Variants in PPP6R2 observed in about 807,000 individuals in gnomAD.
PPP6R2 encodes the protein protein phosphatase 6 regulatory subunit 2.
Under a neutral mutation model 100.2 loss-of-function variants are expected in PPP6R2, and 62 were observed. That is an observed-to-expected ratio of 0.62 (90% CI 0.50 to 0.76). The LOEUF is 0.76. Ranked by LOEUF, PPP6R2 falls within the 30% of genes least tolerant of loss-of-function variation. The probability of loss-of-function intolerance (pLI) is 0.00; values close to 1 mark genes in which losing one functional copy is unlikely to be tolerated. For synonymous variants in PPP6R2, 525 were observed against 514.7 expected, an observed-to-expected ratio of 1.02 and a Z score of -0.27; for missense variants, 1,142 against 1,276.3, an observed-to-expected ratio of 0.89 and a Z score of 1.60.
chr22:50,358,614 A>G (rs2047096926), intron 1 of PPP6R2, among the ~76,000 whole-genome samples: 1 of 152,200 alleles, frequency 6.6e-6, no homozygotes, highest in African/African-American at 2.4e-5. Flanking sequence ...AAACATATTC[A>G]TTGTCCCCAG....
At chr22:50,337,787 T>G in the PPP6R2 span, among the ~76,000 whole-genome samples, 562 of 145,656 alleles carry the variant, frequency 3.9e-3, 3 homozygotes, top group African/African-American at 0.014. Context: ...TGTGTGGGTG[T>G]GTGTGTGCTG....
At chr22:50,363,987 C>T (rs766724506) in intron 1 of PPP6R2, among the ~76,000 whole-genome samples, 3 of 151,806 alleles carry the variant, frequency 2.0e-5, no homozygotes, top group Non-Finnish European at 2.9e-5. Flanking sequence ...CTTTGCCTCC[C>T]GGGTTCAGGC....
At chr22:50,333,351 T>C in the PPP6R2 span, among the ~76,000 whole-genome samples, 1 of 151,628 alleles carries the variant, frequency 6.6e-6, no homozygotes, top group African/African-American at 2.4e-5. Context: ...TTTTTTTTTT[T>C]TTTGAGACGG....
the PPP6R2 span, among the ~76,000 whole-genome samples, chr22:50,331,098 C>A: frequency 6.6e-6 from 1 of 152,180 alleles, no homozygotes; most frequent in Non-Finnish European, 1.5e-5. Context: ...TGCCTGGTTT[C>A]TTGTGCCTCA....
chr22:50,334,093 G>A, the PPP6R2 span, among the ~76,000 whole-genome samples: 143 of 152,364 alleles, frequency 9.4e-4, no homozygotes, highest in African/African-American at 3.0e-3. Flanking sequence ...TGTACAGGGC[G>A]GAACATGAAA....
intron 1 of PPP6R2, among the ~76,000 whole-genome samples, chr22:50,353,082 T>C (rs1328966118): frequency 6.6e-6 from 1 of 152,152 alleles, no homozygotes; most frequent in Non-Finnish European, 1.5e-5. Flanking sequence ...AGCAGCCTTC[T>C]CCGTGTCAGC....
intron 12 of PPP6R2, among the ~76,000 whole-genome samples, chr22:50,434,706 T>G (rs11704683): frequency 0.64 from 34,918 of 54,582 alleles, 11,836 homozygotes; most frequent in East Asian, 0.86. Context: ...GAGGGCCGGG[T>G]GCGCGGACAC....
At chr22:50,413,821 AC>A (rs2060104064) in intron 4 of PPP6R2, among the ~76,000 whole-genome samples, 1 of 151,752 alleles carries the variant, frequency 6.6e-6, no homozygotes, top group Non-Finnish European at 1.5e-5. Context: ...GGCTGGGTCT[AC>A]CCCAGCCCCC....
At chr22:50,337,623 G>A in the PPP6R2 span, among the ~76,000 whole-genome samples, 8 of 114,690 alleles carry the variant, frequency 7.0e-5, no homozygotes, top group Middle Eastern at 5.1e-3. Flanking sequence ...TGCTGTGTGC[G>A]GTATGTGTGC....
chr22:50,438,607 C>T lies in PPP6R2; in HGVS notation c.1973C>T (p.Ala658Val). The T allele has an allele frequency of 3.1e-6, 5 of 1,613,642 alleles. No homozygotes were observed. The highest frequency in any genetic ancestry group is 4.2e-6 in the Non-Finnish European group (5 of 1,179,830). The change falls in exon 19 of 24, where the codon GCC (alanine) becomes GTC (valine). Residue 658 changes from alanine to valine, a missense_variant. Coordinates refer to ENST00000612753, the MANE Select transcript of PPP6R2 (RefSeq NM_001242898.2). ...ARVMARPRFG[A>V]PHASESCSKN... is the part of the protein sequence containing the mutation. Reference sequence around the variant, plus strand: ...CTCTGAATCTCCCCCAGGTTTGGAGCCCCCCATGCTTCAGAGAGTTGCTCA... The same window carrying T: ...CTCTGAATCTCCCCCAGGTTTGGAGTCCCCCATGCTTCAGAGAGTTGCTCA...
intron 4 of PPP6R2, among the ~76,000 whole-genome samples, chr22:50,409,671 C>G (rs1030736850): frequency 3.3e-5 from 5 of 152,066 alleles, no homozygotes; most frequent in African/African-American, 9.7e-5. Flanking sequence ...CGTGATCCGC[C>G]CACCTTGGCC....
At chr22:50,362,309 T>C (rs1460884407) in intron 1 of PPP6R2, among the ~76,000 whole-genome samples, 2 of 152,224 alleles carry the variant, frequency 1.3e-5, no homozygotes, top group Non-Finnish European at 2.9e-5. Context: ...GATACTCTTC[T>C]GAGCCTGGCG....
intron 12 of PPP6R2, among the ~76,000 whole-genome samples, 170 bp downstream of exon 12, chr22:50,432,499 T>G (rs1283800340): frequency 2.0e-5 from 3 of 152,034 alleles, no homozygotes; most frequent in Non-Finnish European, 4.4e-5. Context: ...GCCCTTCTAC[T>G]GGGCGGACAG....
intron 3 of PPP6R2, among the ~76,000 whole-genome samples, chr22:50,397,610 TG>T (rs1321130896): frequency 9.2e-6 from 1 of 108,582 alleles, no homozygotes; most frequent in East Asian, 3.4e-4. Flanking sequence ...TGACTTGGGA[TG>T]GGGGCAGGGG....
intron 1 of PPP6R2, among the ~76,000 whole-genome samples, chr22:50,370,488 T>C (rs12167247): frequency 0.084 from 12,747 of 151,222 alleles, 1,251 homozygotes; most frequent in African/African-American, 0.23. Context: ...GGGGTTTCAC[T>C]ATGTTGGCCA....
At position 50,431,697 on chromosome 22, in the gene PPP6R2, A is replaced by G. The variant is rs904863710; in HGVS notation, c.1335+315A>G. Among the ~76,000 whole-genome samples, 1 of 152,160 alleles carries G rather than the reference A, an allele frequency of 6.6e-6. No individual in the cohort carries two copies. The highest frequency in any genetic ancestry group is 2.4e-5 in the African/African-American group (1 of 41,442). On this transcript the variant is annotated intron_variant, in intron 11 of 23. Coordinates refer to ENST00000612753, the MANE Select transcript of PPP6R2 (RefSeq NM_001242898.2). The surrounding 1 kb of genome is among the most constrained non-coding windows in gnomAD (Gnocchi z 4.8). The stretch of plus-strand genomic sequence containing the variant: ...CCAGGGAATAAATGCCCAGGGAGCC[A>G]GCAGTGTCAGTGATGGGAGCCACAC...
At chr22:50,367,939 A>G (rs2049099189) in intron 1 of PPP6R2, among the ~76,000 whole-genome samples, 1 of 152,202 alleles carries the variant, frequency 6.6e-6, no homozygotes, top group Non-Finnish European at 1.5e-5. Flanking sequence ...GGGCAGGGTA[A>G]GGAGTGTGAG....
chr22:50,419,048 G>A lies in PPP6R2; in HGVS notation c.731+69G>A. 3.2e-6 allele frequency: 4 copies of A among 1,254,778 alleles called. No individual in the cohort carries two copies. In the South Asian group the frequency reaches 3.6e-5, roughly 11 times the overall value. 77.7% of individuals were successfully genotyped at this position (1,254,778 alleles called of 1,614,324 possible). A position where few individuals can be genotyped will look rare whatever the true frequency, so the allele number is the denominator to read the frequency against. On this transcript the variant is annotated intron_variant, in intron 7 of 23. Coordinates refer to ENST00000612753, the MANE Select transcript of PPP6R2 (RefSeq NM_001242898.2). ...GGTCATGGGGACGTCTGTGAGCCTT[G>A]CTCTGAGCACCAGGATATGTTGCCA...
chr22:50,356,070 C>G (rs182880794), intron 1 of PPP6R2, among the ~76,000 whole-genome samples: 1 of 151,330 alleles, frequency 6.6e-6, no homozygotes, highest in Non-Finnish European at 1.5e-5. Flanking sequence ...TCATGCCATT[C>G]TCCTGCCTCA....
Sources: gnomAD v4.1 joint callset for allele counts (sites outside exome capture counted in the v4.1 genomes callset) on GRCh38, gnomAD v4.1.1 for gene constraint, Gnocchi (gnomAD v3.1) non-coding constraint, MANE v1.5 for transcripts, NCBI Gene and HGNC (gene_info 2026-07-23, HGNC 2026-07-21) for gene names.